TMEM229B: variants seen among roughly 807,000 people sequenced by gnomAD.
TMEM229B encodes the protein transmembrane protein 229B.
TMEM229B carries 6 observed loss-of-function variants against 13.7 expected under a neutral mutation model. That is an observed-to-expected ratio of 0.44 (90% CI 0.24 to 0.86). The LOEUF is 0.86. Ranked by LOEUF, TMEM229B falls within the 40% of genes least tolerant of loss-of-function variation. The probability of loss-of-function intolerance (pLI) is 0.23; values close to 1 mark genes in which losing one functional copy is unlikely to be tolerated. For synonymous variants in TMEM229B, 107 were observed against 102.1 expected, an observed-to-expected ratio of 1.05 and a Z score of -0.29; for missense variants, 170 against 236.0, an observed-to-expected ratio of 0.72 and a Z score of 1.83.
intron 1 of TMEM229B, among the ~76,000 whole-genome samples, chr14:67,495,412 A>C (rs935897681): frequency 6.6e-6 from 1 of 151,972 alleles, no homozygotes; most frequent in Admixed American, 6.6e-5. Context: ...TTTCCTGGAG[A>C]TATTTTGACA....
intron 1 of TMEM229B, among the ~76,000 whole-genome samples, chr14:67,508,198 G>C (rs1019368732): frequency 6.6e-6 from 1 of 150,634 alleles, no homozygotes; most frequent in African/African-American, 2.4e-5. Flanking sequence ...ACTTCCTCCA[G>C]CTCTGACTTT....
intron 1 of TMEM229B, among the ~76,000 whole-genome samples, chr14:67,498,659 TTTG>T (rs1455094637): frequency 6.6e-6 from 1 of 152,058 alleles, no homozygotes. Context: ...GGCAATGTGT[TTTG>T]TTGTTGTTGG....
intron 2 of TMEM229B, among the ~76,000 whole-genome samples, chr14:67,482,866 T>G (rs2140101010): frequency 6.6e-6 from 1 of 152,302 alleles, no homozygotes; most frequent in East Asian, 1.9e-4. Flanking sequence ...CAGGCCTTGA[T>G]GAAGTCCTCC....
rs2033084043 is a variant in TMEM229B, at chr14:67,513,176, C to A, written c.-192+1910G>T. 2.6e-5 allele frequency among the ~76,000 whole-genome samples: 4 copies of A among 152,186 alleles called. No homozygotes were observed. The South Asian group carries it at 8.3e-4, about 31-fold the overall frequency. On this transcript the variant is annotated intron_variant, in intron 1 of 2. Coordinates refer to the TMEM229B transcript ENST00000357461. Reference sequence around the variant, plus strand: ...ATTTGAGGAACATGCCACGGAAAAGCCCATCCTCTAACCACTGGAGGCTCG... The same window carrying A: ...ATTTGAGGAACATGCCACGGAAAAGACCATCCTCTAACCACTGGAGGCTCG...
At chr14:67,514,955 C>T (rs1396764595) in intron 1 of TMEM229B, 1 of 143,364 alleles carries the variant, frequency 7.0e-6, no homozygotes, top group Non-Finnish European at 1.6e-5. Flanking sequence ...GCTACAGCCC[C>T]AAGTCCGGTC....
chr14:67,526,219 G>A (rs1267904150), intron 1 of TMEM229B, among the ~76,000 whole-genome samples: 3 of 152,244 alleles, frequency 2.0e-5, no homozygotes, highest in African/African-American at 7.2e-5. Flanking sequence ...CATAAGCAAA[G>A]CTCCTAATAC....
upstream of TMEM229B, among the ~76,000 whole-genome samples, chr14:67,519,654 G>A (rs2033260490): frequency 6.6e-6 from 1 of 151,968 alleles, no homozygotes. Context: ...CGAAAGTCCA[G>A]GACAAGGGGA....
chr14:67,479,633 G>A (rs556411334), intron 2 of TMEM229B, among the ~76,000 whole-genome samples: 19 of 152,066 alleles, frequency 1.2e-4, no homozygotes, highest in Admixed American at 1.0e-3. Context: ...CAGGAGAATC[G>A]CTTGAACCTG....
upstream of TMEM229B, among the ~76,000 whole-genome samples, chr14:67,519,637 C>A (rs777553197): frequency 6.6e-6 from 1 of 151,736 alleles, no homozygotes; most frequent in East Asian, 1.9e-4. Context: ...AAGTACCCCC[C>A]AAACAGCGAA....
rs1230000643 is a variant in TMEM229B, at chr14:67,471,052, G to C, written c.*2368C>G. On this transcript the variant is annotated 3_prime_UTR_variant, in exon 3 of 3. Transcript: ENST00000554480. ...AGGCCATGGGTTGTTGCCTTCCTTT[G>C]CTGGAGGTTTGATGCCTTATGAGGG... 1 of 152,260 alleles carries C rather than the reference G, an allele frequency of 6.6e-6. No homozygotes were observed. The allele number at this position is 152,260 out of a possible 1,614,324, so 9.4% of individuals were successfully genotyped here.
At chr14:67,525,704 T>G (rs2033356473) in intron 1 of TMEM229B, among the ~76,000 whole-genome samples, 1 of 152,258 alleles carries the variant, frequency 6.6e-6, no homozygotes, top group Non-Finnish European at 1.5e-5. Flanking sequence ...CAGTTTATTA[T>G]GCTTGACGGG....
intron 1 of TMEM229B, among the ~76,000 whole-genome samples, chr14:67,531,142 G>A (rs988754961): frequency 6.6e-6 from 1 of 152,158 alleles, no homozygotes; most frequent in African/African-American, 2.4e-5. Context: ...GGGCTCTAGG[G>A]GTGATGGTGG....
At chr14:67,476,686 A>G (rs1228379077) in intron 2 of TMEM229B, among the ~76,000 whole-genome samples, 1 of 152,236 alleles carries the variant, frequency 6.6e-6, no homozygotes, top group African/African-American at 2.4e-5. Flanking sequence ...GAGAGGGGAC[A>G]TTATTTACCC....
chr14:67,513,699 G>A (rs1216979479), intron 1 of TMEM229B, among the ~76,000 whole-genome samples: 4 of 152,178 alleles, frequency 2.6e-5, no homozygotes, highest in African/African-American at 4.8e-5. Flanking sequence ...CATTCACACA[G>A]GCAGGCGGGA....
rs77178204 is a variant in TMEM229B, at chr14:67,529,015, T to C, written c.-192+4621A>G. Among the ~76,000 whole-genome samples the C allele has an allele frequency of 6.8e-3, 1,038 of 152,286 alleles. 17 individuals are homozygous for C. The highest frequency in any genetic ancestry group is 0.023 in the African/African-American group (974 of 41,536). On this transcript the variant is annotated intron_variant, in intron 1 of 2. Coordinates refer to the TMEM229B transcript ENST00000554278. ...CTTCCATGCTGCTCCTCCTGGGTAC[T>C]TTCCAGCTCCCTAGTCTTTGGGCGC...
At chr14:67,487,622 C>T (rs550276894) in intron 1 of TMEM229B, among the ~76,000 whole-genome samples, 2 of 152,312 alleles carry the variant, frequency 1.3e-5, no homozygotes, top group South Asian at 4.1e-4. Context: ...ACCACTCGTG[C>T]AGAAAAACAA....
chr14:67,517,819 G>T (rs1213579081), upstream of TMEM229B, among the ~76,000 whole-genome samples: 2 of 152,182 alleles, frequency 1.3e-5, no homozygotes, highest in African/African-American at 4.8e-5. Context: ...GTATGGTTTG[G>T]TCAGGGTTAG....
At chr14:67,474,839 A>G (rs1335322586) in intron 2 of TMEM229B, among the ~76,000 whole-genome samples, 1 of 152,034 alleles carries the variant, frequency 6.6e-6, no homozygotes, top group Non-Finnish European at 1.5e-5. Context: ...CTGGCTTAGC[A>G]TAACTGGCTT....
chr14:67,487,688 C>T (rs924250760), intron 1 of TMEM229B, among the ~76,000 whole-genome samples: 19 of 152,164 alleles, frequency 1.2e-4, no homozygotes, highest in African/African-American at 4.3e-4. Flanking sequence ...TTATTCATCT[C>T]ATTTTATTAT....
Sources: gnomAD v4.1 joint callset for allele counts (sites outside exome capture counted in the v4.1 genomes callset) on GRCh38, gnomAD v4.1.1 for gene constraint, MANE v1.5 for transcripts, NCBI Gene and HGNC (gene_info 2026-07-23, HGNC 2026-07-21) for gene names.